PDE1A: variants seen among roughly 807,000 people sequenced by gnomAD.
The protein encoded by PDE1A is dual specificity calcium/calmodulin-dependent 3',5'-cyclic nucleotide phosphodiesterase 1A.
A neutral mutation model predicts 61.7 loss-of-function variants in PDE1A; 35 were observed. The observed-to-expected ratio is 0.57, with a 90% CI of 0.43 to 0.75. The LOEUF (loss-of-function observed/expected upper bound fraction) is 0.75. Ranked by LOEUF, PDE1A falls within the 30% of genes least tolerant of loss-of-function variation. The probability of loss-of-function intolerance (pLI) is 0.00; values close to 1 mark genes in which losing one functional copy is unlikely to be tolerated. For synonymous variants in PDE1A, 232 were observed against 213.2 expected, an observed-to-expected ratio of 1.09 and a Z score of -0.77; for missense variants, 597 against 630.6, an observed-to-expected ratio of 0.95 and a Z score of 0.57.
chr2:182,462,940 G>C (rs1686403279), intron 2 of PDE1A, among the ~76,000 whole-genome samples: 1 of 151,976 alleles, frequency 6.6e-6, no homozygotes, highest in South Asian at 2.1e-4. Flanking sequence ...TTAATAAAAT[G>C]ACTACAATTC....
the PDE1A span, among the ~76,000 whole-genome samples, chr2:182,647,382 T>A: frequency 1.2e-3 from 178 of 152,350 alleles, 1 homozygote; most frequent in African/African-American, 4.2e-3. Flanking sequence ...TAGATTAGAT[T>A]GGATCGTACA....
chr2:182,560,562 C>T, the PDE1A span, among the ~76,000 whole-genome samples: 1 of 151,666 alleles, frequency 6.6e-6, no homozygotes, highest in South Asian at 2.1e-4. Context: ...GATTTATAGT[C>T]CTTTGGGTAT....
At chr2:182,559,833 T>C in the PDE1A span, among the ~76,000 whole-genome samples, 2 of 152,130 alleles carry the variant, frequency 1.3e-5, no homozygotes, top group Admixed American at 1.3e-4. Flanking sequence ...ACAGGATGAC[T>C]CGCACAAGTA....
At chr2:182,579,084 C>G in the PDE1A span, among the ~76,000 whole-genome samples, 1 of 152,062 alleles carries the variant, frequency 6.6e-6, no homozygotes, top group South Asian at 2.1e-4. Context: ...AATAAATAAC[C>G]TGAAAACAGT....
At chr2:182,242,412 C>T (rs1422526980) in intron 2 of PDE1A, among the ~76,000 whole-genome samples, 1 of 152,122 alleles carries the variant, frequency 6.6e-6, no homozygotes, top group South Asian at 2.1e-4. Context: ...AAATAAAGGA[C>T]GACAGTGTGT....
At chr2:182,468,543 C>T (rs1193504561) in intron 2 of PDE1A, among the ~76,000 whole-genome samples, 1 of 151,936 alleles carries the variant, frequency 6.6e-6, no homozygotes, top group Non-Finnish European at 1.5e-5. Flanking sequence ...ATGTCTTAAA[C>T]CCCTCAAAGT....
At chr2:182,565,296 G>A in the PDE1A span, among the ~76,000 whole-genome samples, 1 of 152,184 alleles carries the variant, frequency 6.6e-6, no homozygotes, top group Non-Finnish European at 1.5e-5. Context: ...CTGCAGGTCT[G>A]TTGGAGTTTG....
chr2:182,564,248 T>C, the PDE1A span, among the ~76,000 whole-genome samples: 6 of 152,336 alleles, frequency 3.9e-5, no homozygotes, highest in East Asian at 3.9e-4. Flanking sequence ...AGGGCAGGTC[T>C]GGTGGTGACA....
chr2:182,485,885 T>C (rs1446723961), intron 2 of PDE1A, among the ~76,000 whole-genome samples: 1 of 152,044 alleles, frequency 6.6e-6, no homozygotes, highest in African/African-American at 2.4e-5. Context: ...CAACCCCCAC[T>C]TAAGACAGAA....
chr2:182,186,628 A>G (rs1685228809), intron 11 of PDE1A, 40 bp from the exon 12 acceptor site: 2 of 1,559,936 alleles, frequency 1.3e-6, no homozygotes, highest in Non-Finnish European at 1.7e-6. Context: ...GATAAATTCA[A>G]GTGTTACAAT....
intron 2 of PDE1A, among the ~76,000 whole-genome samples, chr2:182,458,648 A>G (rs1686077714): frequency 6.6e-6 from 1 of 152,132 alleles, no homozygotes; most frequent in Non-Finnish European, 1.5e-5. Flanking sequence ...TAGCAGACTC[A>G]AGACTAAGTC....
intron 8 of PDE1A, among the ~76,000 whole-genome samples, chr2:182,202,921 G>C (rs1004032502): frequency 7.9e-5 from 12 of 152,158 alleles, no homozygotes; most frequent in African/African-American, 2.4e-4. Context: ...GTGGCCAGTA[G>C]GATAAGCTGA....
chr2:182,347,687 G>A (rs1479421472), intron 1 of PDE1A, among the ~76,000 whole-genome samples: 2 of 151,932 alleles, frequency 1.3e-5, no homozygotes, highest in African/African-American at 2.4e-5. Flanking sequence ...GAATGAATAC[G>A]GTGAATGCTC....
At chr2:182,444,156 C>T (rs1684982020) in intron 2 of PDE1A, among the ~76,000 whole-genome samples, 2 of 152,142 alleles carry the variant, frequency 1.3e-5, no homozygotes, top group Non-Finnish European at 2.9e-5. Flanking sequence ...GGACGACTTT[C>T]AGTTCACCTA....
the PDE1A span, among the ~76,000 whole-genome samples, chr2:182,677,773 G>T: frequency 6.6e-6 from 1 of 152,154 alleles, no homozygotes; most frequent in African/African-American, 2.4e-5. Flanking sequence ...AATGGGAAAA[G>T]GACTCCATAT....
At chr2:182,699,526 CT>C in the PDE1A span, among the ~76,000 whole-genome samples, 1 of 152,000 alleles carries the variant, frequency 6.6e-6, no homozygotes, top group Non-Finnish European at 1.5e-5. Flanking sequence ...TGTATTTTTT[CT>C]TCTGTAAGAT....
chr2:182,285,733 C>T (rs949954601), intron 1 of PDE1A, among the ~76,000 whole-genome samples: 4 of 151,998 alleles, frequency 2.6e-5, no homozygotes, highest in Non-Finnish European at 2.9e-5. Flanking sequence ...ATACATATTC[C>T]AAGTAGTAGG....
At chr2:182,557,563 T>C in the PDE1A span, among the ~76,000 whole-genome samples, 7 of 151,814 alleles carry the variant, frequency 4.6e-5, no homozygotes, top group Non-Finnish European at 7.4e-5. Flanking sequence ...AATACAAAAC[T>C]AAGCCAGGTA....
intron 1 of PDE1A, among the ~76,000 whole-genome samples, chr2:182,289,933 T>A (rs944904693): frequency 6.6e-6 from 1 of 152,104 alleles, no homozygotes. Flanking sequence ...ATCAAACATA[T>A]TCTGTATTGA....
Sources: allele counts gnomAD v4.1 joint callset (sites outside exome capture counted in the v4.1 genomes callset), GRCh38; gene constraint gnomAD v4.1.1; transcripts MANE v1.5; gene names NCBI Gene and HGNC (gene_info 2026-07-23, HGNC 2026-07-21).